The following ADGRF5 variants were observed in gnomAD, a reference collection of about 807,000 sequenced individuals.
ADGRF5 encodes adhesion G protein-coupled receptor F5.
In ADGRF5, 75 loss-of-function variants were observed where a neutral mutation model predicts 132.3. The observed-to-expected ratio is 0.57, with a 90% CI of 0.47 to 0.69. The LOEUF is 0.69. ADGRF5 is among the 30% of genes least tolerant of loss of function. ADGRF5 has a pLI of 0.00. For missense variants in ADGRF5, 1,516 were observed against 1,630.6 expected (o/e 0.93, Z 1.21); for synonymous variants, 629 against 597.6 (o/e 1.05, Z -0.77).
At chr6:46,909,242 T>C (rs779188086) in intron 1 of ADGRF5, among the ~76,000 whole-genome samples, 2 of 152,182 alleles carry the variant, frequency 1.3e-5, no homozygotes, top group Non-Finnish European at 2.9e-5. Context: ...ATATTTCTTC[T>C]AAAATTCCTG....
At chr6:46,917,111 C>T (rs1450685308) in intron 1 of ADGRF5, among the ~76,000 whole-genome samples, 2 of 152,224 alleles carry the variant, frequency 1.3e-5, no homozygotes, top group Non-Finnish European at 2.9e-5. Context: ...ACTATACATG[C>T]ACTAGACTCA....
intron 2 of ADGRF5, among the ~76,000 whole-genome samples, chr6:46,902,771 C>T (rs1444765559): frequency 6.6e-6 from 1 of 152,204 alleles, no homozygotes; most frequent in African/African-American, 2.4e-5. Context: ...TTAAGCCCTA[C>T]AATCATTGGA....
intron 2 of ADGRF5, among the ~76,000 whole-genome samples, chr6:46,900,458 A>G (rs1259709160): frequency 6.6e-6 from 1 of 152,190 alleles, no homozygotes; most frequent in African/African-American, 2.4e-5. Flanking sequence ...GACCTTCGAG[A>G]CAAGTCTCAC....
intron 3 of ADGRF5, among the ~76,000 whole-genome samples, chr6:46,891,759 C>T (rs1773668322): frequency 6.6e-6 from 1 of 152,144 alleles, no homozygotes. Flanking sequence ...GGCAGTTCTG[C>T]TCAGATTTTA....
intron 3 of ADGRF5, among the ~76,000 whole-genome samples, chr6:46,889,429 C>CTATAGTCTTTA (rs1773406529): frequency 6.8e-6 from 1 of 146,016 alleles, no homozygotes; most frequent in East Asian, 2.0e-4. Context: ...AGTATAAAGA[C>CTATAGTCTTTA]TATAGTCTTT....
chr6:46,881,039 G>T (rs555971926), intron 8 of ADGRF5, among the ~76,000 whole-genome samples: 2 of 152,300 alleles, frequency 1.3e-5, no homozygotes, highest in South Asian at 4.1e-4. Context: ...AGTAGAGGCT[G>T]TAGAGAGCCA....
At chr6:46,888,169 A>G (rs1773250013) in intron 4 of ADGRF5, 166 bp downstream of exon 4, 1 of 581,638 alleles carries the variant, frequency 1.7e-6, no homozygotes, top group South Asian at 2.3e-5. Flanking sequence ...GTTTACTGAT[A>G]GAGGCTTCAT....
chr6:46,941,779 A>G (rs1778101337), intron 1 of ADGRF5, among the ~76,000 whole-genome samples: 1 of 152,132 alleles, frequency 6.6e-6, no homozygotes, highest in Non-Finnish European at 1.5e-5. Flanking sequence ...TGCTAGGTTC[A>G]TCTGTGGGCC....
chr6:46,883,934 G>T (rs191608020), intron 5 of ADGRF5, among the ~76,000 whole-genome samples, 161 bp downstream of exon 5: 114 of 152,260 alleles, frequency 7.5e-4, no homozygotes, highest in African/African-American at 2.3e-3. Flanking sequence ...TAGAGGCAGG[G>T]TTTCACCATG....
At chr6:46,880,722 G>A (rs1174784793) in intron 8 of ADGRF5, among the ~76,000 whole-genome samples, 1 of 152,070 alleles carries the variant, frequency 6.6e-6, no homozygotes, top group Admixed American at 6.5e-5. Flanking sequence ...GAGGTGACTT[G>A]GAGAAACTGT....
At chr6:46,854,550 A>C (rs900741253) in intron 20 of ADGRF5, among the ~76,000 whole-genome samples, 3 of 152,190 alleles carry the variant, frequency 2.0e-5, no homozygotes, top group African/African-American at 7.2e-5. Flanking sequence ...ACCAGAAAAG[A>C]AGCAGGAGTC....
chr6:46,892,155 TACACACACACAC>T (rs66857908), intron 3 of ADGRF5, among the ~76,000 whole-genome samples: 51,652 of 136,006 alleles, frequency 0.38, 9,429 homozygotes, highest in East Asian at 0.43. Context: ...AATACACAAA[TACACACACACAC>T]ACACACACAC....
chr6:46,877,042 A>G (rs1277162308), intron 10 of ADGRF5, among the ~76,000 whole-genome samples: 4 of 152,212 alleles, frequency 2.6e-5, no homozygotes, highest in African/African-American at 4.8e-5. Context: ...AGCGCATTAT[A>G]CTGTTGTTTC....
intron 3 of ADGRF5, among the ~76,000 whole-genome samples, chr6:46,898,820 T>C (rs1774444503): frequency 6.6e-6 from 1 of 152,186 alleles, no homozygotes; most frequent in South Asian, 2.1e-4. Flanking sequence ...CCTAATGTGA[T>C]AGGGTAAAAA....
In ADGRF5 at chr6:46,863,011, A is replaced by G; in HGVS notation, c.2076T>C (p.Val692=). ...VIQKLCRFSN[V]PSSPESPIGG... is the part of the protein sequence containing the mutation. ...CAATGGGACTCTCAGGGCTGCTGGG[A>G]ACGTTTGAGAACCGGCATAGCTTCT... The change falls in exon 15 of 21, where the codon GTT becomes GTC. Residue 692 remains valine (V), a synonymous_variant. Coordinates refer to ENST00000283296, the MANE Select transcript of ADGRF5 (RefSeq NM_001098518.2). 1 of 1,613,774 alleles carries G rather than the reference A, an allele frequency of 6.2e-7. No individual in the cohort carries two copies. The highest frequency in any genetic ancestry group is 8.5e-7 in the Non-Finnish European group (1 of 1,179,784).
At chr6:46,939,229 G>A (rs1349299948) in intron 1 of ADGRF5, among the ~76,000 whole-genome samples, 2 of 152,126 alleles carry the variant, frequency 1.3e-5, no homozygotes, top group African/African-American at 4.8e-5. Flanking sequence ...TTTAACTAGT[G>A]GTTCTCTTCT....
In ADGRF5 at chr6:46,860,762, C is replaced by G. The variant is rs1252749175; in HGVS notation, c.2332G>C (p.Asp778His). ...GSLGAIINIL[D>H]LLSTVPTQVN... ...TGGGTTGGAACTGTTGAGAGCAGAT[C>G]AAGGATGTTAATAATGGCTCCCAGA... The change falls in exon 16 of 21, where the codon GAT (aspartate) becomes CAT (histidine). Residue 778 changes from aspartate (D) to histidine (H), a missense_variant. Coordinates refer to ENST00000283296, the MANE Select transcript of ADGRF5 (RefSeq NM_001098518.2). 1 of 1,613,788 alleles carries G rather than the reference C, an allele frequency of 6.2e-7. No individual in the cohort carries two copies. The highest frequency in any genetic ancestry group is 2.2e-5 in the East Asian group (1 of 44,878).
At chr6:46,923,205 C>T (rs916580663), upstream of ADGRF5, among the ~76,000 whole-genome samples, 2 of 152,278 alleles carry the variant, frequency 1.3e-5, no homozygotes, top group Non-Finnish European at 2.9e-5. Flanking sequence ...GGATTACAGG[C>T]GTGAGCCACT....
chr6:46,912,489 A>C (rs1160088640), intron 1 of ADGRF5, among the ~76,000 whole-genome samples: 3 of 152,128 alleles, frequency 2.0e-5, no homozygotes, highest in Non-Finnish European at 4.4e-5. Flanking sequence ...GGTGAAGGGT[A>C]CGAGGCAGAC....
Sources: gnomAD v4.1 joint callset for allele counts (sites outside exome capture counted in the v4.1 genomes callset) on GRCh38, gnomAD v4.1.1 for gene constraint, MANE v1.5 for transcripts, NCBI Gene and HGNC (gene_info 2026-07-23, HGNC 2026-07-21) for gene names.